Variants in NCAM2 observed in about 807,000 individuals in gnomAD.
NCAM2 encodes the protein neural cell adhesion molecule 2, also known as N-CAM-2.
NCAM2 carries 30 observed loss-of-function variants against 98.1 expected under a neutral mutation model. The observed-to-expected ratio is 0.31, with a 90% CI of 0.23 to 0.41. The LOEUF (loss-of-function observed/expected upper bound fraction) is 0.41. Among genes scored for constraint, NCAM2 ranks in the 10% least tolerant of loss-of-function variants. The pLI, the probability that NCAM2 is intolerant of heterozygous loss-of-function variation, is 1.00. For synonymous variants in NCAM2, 368 were observed against 342.4 expected, an observed-to-expected ratio of 1.07 and a Z score of -0.83; for missense variants, 867 against 1,005.8, an observed-to-expected ratio of 0.86 and a Z score of 1.87.
intron 15 of NCAM2, among the ~76,000 whole-genome samples, chr21:21,487,869 TG>T (rs1306262609): frequency 1.3e-5 from 2 of 152,148 alleles, no homozygotes; most frequent in African/African-American, 4.8e-5. Flanking sequence ...TATTCTTACG[TG>T]GAAAAACCTT....
intron 16 of NCAM2, among the ~76,000 whole-genome samples, chr21:21,524,698 A>G (rs1172040278): frequency 6.6e-6 from 1 of 152,220 alleles, no homozygotes; most frequent in Non-Finnish European, 1.5e-5. Context: ...TTAATCCAAT[A>G]ACAGCAGAAT....
At chr21:21,493,765 T>C (rs1411337955) in intron 15 of NCAM2, among the ~76,000 whole-genome samples, 2 of 151,948 alleles carry the variant, frequency 1.3e-5, no homozygotes, top group East Asian at 1.9e-4. Context: ...TACTATTTCC[T>C]AGGTTTGCCG....
chr21:21,312,015 C>T (rs1031886384), intron 5 of NCAM2, among the ~76,000 whole-genome samples: 1 of 152,092 alleles, frequency 6.6e-6, no homozygotes, highest in East Asian at 1.9e-4. Flanking sequence ...TACTTGAGTG[C>T]TGTGTTGTTC....
At chr21:21,331,543 TAC>T (rs1449773890) in intron 6 of NCAM2, among the ~76,000 whole-genome samples, 6 of 20,362 alleles carry the variant, frequency 2.9e-4, no homozygotes, top group East Asian at 1.8e-3. Flanking sequence ...ATACTCTATA[TAC>T]ATATATATAT....
At chr21:21,288,937 T>A (rs2073195807) in intron 4 of NCAM2, among the ~76,000 whole-genome samples, 1 of 151,960 alleles carries the variant, frequency 6.6e-6, no homozygotes, top group African/African-American at 2.4e-5. Flanking sequence ...CAGTGGAGAT[T>A]TTCCATGTTG....
intron 12 of NCAM2, 73 bp downstream of exon 12, chr21:21,432,354 C>A: frequency 3.6e-6 from 5 of 1,398,506 alleles, no homozygotes. Flanking sequence ...TTGGCTTTTT[C>A]GGTTTCCTCC....
chr21:21,104,964 A>T (rs1042092715), intron 1 of NCAM2, among the ~76,000 whole-genome samples: 2 of 152,138 alleles, frequency 1.3e-5, no homozygotes, highest in African/African-American at 4.8e-5. Flanking sequence ...ATCTCTGCCA[A>T]CAACCCTGTG....
intron 1 of NCAM2, among the ~76,000 whole-genome samples, chr21:21,211,232 A>G (rs929937246): frequency 6.6e-6 from 1 of 152,202 alleles, no homozygotes; most frequent in Non-Finnish European, 1.5e-5. Context: ...TCTAAAAAGC[A>G]CAGAAACTTC....
At chr21:21,223,473 G>A (rs1407567679) in intron 1 of NCAM2, 1 of 152,002 alleles carries the variant, frequency 6.6e-6, no homozygotes, top group African/African-American at 2.4e-5. Context: ...GTTATATAAA[G>A]GAAATGGTGA....
At chr21:21,066,455 A>T (rs975216645) in intron 1 of NCAM2, among the ~76,000 whole-genome samples, 2 of 152,066 alleles carry the variant, frequency 1.3e-5, no homozygotes, top group Admixed American at 6.5e-5. Flanking sequence ...TAAGGCATTT[A>T]ATTCAAACCG....
At chr21:21,275,393 TCATGC>T (rs2072689613) in intron 1 of NCAM2, among the ~76,000 whole-genome samples, 1 of 151,566 alleles carries the variant, frequency 6.6e-6, no homozygotes. Context: ...TGAGCTGAGA[TCATGC>T]CACTGCACTC....
Position 21,511,382 on chromosome 21 carries a change from A to G in NCAM2, c.2282+2327A>G, listed in dbSNP as rs911941987. ...CTCCCACATATGAATGAAAACACACAATATTTTTCTTTCTGCACTGACTTA... is the reference window on the plus strand; with the variant it reads ...CTCCCACATATGAATGAAAACACACGATATTTTTCTTTCTGCACTGACTTA... On this transcript the variant is annotated intron_variant, in intron 16 of 17. Transcript: ENST00000400546. 3.9e-5 allele frequency among the ~76,000 whole-genome samples: 6 copies of G among 151,942 alleles called. No individual in the cohort carries two copies. The South Asian group carries it at 1.0e-3, about 26-fold the overall frequency.
At chr21:21,071,038 G>T (rs2065551811) in intron 1 of NCAM2, among the ~76,000 whole-genome samples, 1 of 152,100 alleles carries the variant, frequency 6.6e-6, no homozygotes, top group African/African-American at 2.4e-5. Flanking sequence ...ATTAAATTGA[G>T]GGTTATTAAA....
chr21:21,210,657 T>G (rs1205808491), intron 1 of NCAM2: 1 of 1,280,346 alleles, frequency 7.8e-7, no homozygotes, highest in Non-Finnish European at 1.0e-6. Context: ...CACTTTATCT[T>G]GAAGAAGGGC....
chr21:21,338,627 A>T, intron 8 of NCAM2, 93 bp downstream of exon 8: 1 of 1,221,200 alleles, frequency 8.2e-7, no homozygotes. Context: ...CAATTTACCT[A>T]GTAACTTGTA....
intron 5 of NCAM2, among the ~76,000 whole-genome samples, chr21:21,313,460 T>C (rs1272605726): frequency 6.6e-6 from 1 of 151,958 alleles, no homozygotes; most frequent in Non-Finnish European, 1.5e-5. Flanking sequence ...CTATTTTACA[T>C]CTTTTAATTT....
intron 10 of NCAM2, among the ~76,000 whole-genome samples, chr21:21,412,189 C>T (rs2076900075): frequency 6.6e-6 from 1 of 152,214 alleles, no homozygotes; most frequent in South Asian, 2.1e-4. Context: ...CTTCCCTGGA[C>T]TTGTACTTGG....
intron 9 of NCAM2, among the ~76,000 whole-genome samples, chr21:21,376,679 C>G (rs1036231022): frequency 6.6e-6 from 1 of 151,756 alleles, no homozygotes; most frequent in East Asian, 1.9e-4. Flanking sequence ...ACATTGGGTA[C>G]TTTATTTTTC....
At chr21:21,465,661 A>C (rs1347483334) in intron 12 of NCAM2, among the ~76,000 whole-genome samples, 3 of 151,944 alleles carry the variant, frequency 2.0e-5, no homozygotes, top group Admixed American at 2.0e-4. Flanking sequence ...GATAATCTTA[A>C]TTACCTATGA....
Sources: gnomAD v4.1 joint callset for allele counts (sites outside exome capture counted in the v4.1 genomes callset) on GRCh38, gnomAD v4.1.1 for gene constraint, MANE v1.5 for transcripts, NCBI Gene and HGNC (gene_info 2026-07-23, HGNC 2026-07-21) for gene names.